CAPZB: variants seen among roughly 807,000 people sequenced by gnomAD.
CAPZB encodes the protein F-actin-capping protein subunit beta.
Under a neutral mutation model 38.1 loss-of-function variants are expected in CAPZB, and 2 were observed. That is an observed-to-expected ratio of 0.05 (90% CI 0.02 to 0.17). CAPZB has a LOEUF of 0.17. Ranked by LOEUF, CAPZB falls within the 10% of genes least tolerant of loss-of-function variation. The probability of loss-of-function intolerance (pLI) is 1.00; values close to 1 mark genes in which losing one functional copy is unlikely to be tolerated. For synonymous variants in CAPZB, 107 were observed against 127.4 expected (o/e 0.84, Z 1.08); for missense variants, 161 against 334.2 (o/e 0.48, Z 4.04).
At chr1:19,461,905 T>C (rs889648359) in intron 1 of CAPZB, among the ~76,000 whole-genome samples, 2 of 152,252 alleles carry the variant, frequency 1.3e-5, no homozygotes, top group African/African-American at 4.8e-5. Context: ...AGTGAGATGA[T>C]GCATTGACTT....
At chr1:19,436,199 G>A (rs144453137) in intron 1 of CAPZB, among the ~76,000 whole-genome samples, 2 of 152,116 alleles carry the variant, frequency 1.3e-5, no homozygotes, top group African/African-American at 4.8e-5. Context: ...TAAATTTCAC[G>A]CCGTTCTGCG....
intron 4 of CAPZB, among the ~76,000 whole-genome samples, chr1:19,358,630 C>T (rs898834192): frequency 1.3e-5 from 2 of 152,184 alleles, no homozygotes; most frequent in Admixed American, 6.5e-5. Flanking sequence ...TGATGGGAAC[C>T]GCAAATGCTG....
intron 1 of CAPZB, among the ~76,000 whole-genome samples, chr1:19,469,928 C>A (rs1004176870): frequency 1.3e-5 from 2 of 152,222 alleles, no homozygotes; most frequent in Non-Finnish European, 2.9e-5. Flanking sequence ...TCACTCAACA[C>A]TAGCACATCT....
chr1:19,386,443 T>C (rs909775531), intron 2 of CAPZB, among the ~76,000 whole-genome samples: 2 of 152,252 alleles, frequency 1.3e-5, no homozygotes, highest in African/African-American at 4.8e-5. Context: ...ATATTTTCAA[T>C]GTGCTGACTT....
At chr1:19,407,367 C>G (rs1301622163) in intron 2 of CAPZB, among the ~76,000 whole-genome samples, 1 of 152,124 alleles carries the variant, frequency 6.6e-6, no homozygotes, top group Non-Finnish European at 1.5e-5. Context: ...CCCAGAGATA[C>G]AGAACAGAGG....
intron 1 of CAPZB, among the ~76,000 whole-genome samples, chr1:19,440,794 C>T (rs2094473429): frequency 6.6e-6 from 1 of 152,216 alleles, no homozygotes; most frequent in East Asian, 1.9e-4. Context: ...GGCGCGGTGG[C>T]TCACGCCTGT....
Position 19,419,658 on chromosome 1 carries a change from T to A in CAPZB, c.93+3A>T. 6.4e-7 allele frequency: 1 copy of A among 1,570,526 alleles called. No individual in the cohort carries two copies. Among genetic ancestry groups the A allele is most frequent in the Non-Finnish European group, 8.7e-7 (1 of 1,149,678 alleles). On this transcript the variant is annotated splice_donor_region_variant and intron_variant, in intron 2 of 8. Transcript: ENST00000264202. Reference sequence around the variant, plus strand: ...AATGGAACCATATGAAGGAGGCACGTACCAGGTCGATCAGGTCGCTGAGGT... The same window carrying A: ...AATGGAACCATATGAAGGAGGCACGAACCAGGTCGATCAGGTCGCTGAGGT...
In CAPZB at chr1:19,445,982, C is replaced by A. The variant is rs527382624; in HGVS notation, c.4-26232G>T. 1.6e-3 allele frequency among the ~76,000 whole-genome samples: 251 copies of A among 152,332 alleles called. 1 individual carries two copies. Among genetic ancestry groups the A allele is most frequent in the Non-Finnish European group, 2.5e-3 (171 of 68,036 alleles). On this transcript the variant is annotated intron_variant, in intron 1 of 8. Transcript: ENST00000264202. ...GCCCTCAAGAGCACATGGTAAGACC[C>A]TGTAGCAGGAACAGAGGAAGCTGGA...
intron 3 of CAPZB, among the ~76,000 whole-genome samples, chr1:19,381,968 G>C (rs1458533830): frequency 6.6e-6 from 1 of 152,156 alleles, no homozygotes; most frequent in Admixed American, 6.5e-5. Context: ...ATAAGAATCT[G>C]AGGGTGTGGA....
At chr1:19,421,695 C>T (rs1435895076) in intron 1 of CAPZB, among the ~76,000 whole-genome samples, 3 of 152,220 alleles carry the variant, frequency 2.0e-5, no homozygotes, top group Non-Finnish European at 4.4e-5. Flanking sequence ...TCTAGAGAGA[C>T]ATATTCAATT....
chr1:19,455,777 C>T (rs924706586), intron 1 of CAPZB, among the ~76,000 whole-genome samples: 10 of 152,212 alleles, frequency 6.6e-5, no homozygotes, highest in Non-Finnish European at 8.8e-5. Flanking sequence ...ATGGACACTG[C>T]CACATCCAGT....
chr1:19,473,350 G>A (rs967762139), intron 1 of CAPZB, among the ~76,000 whole-genome samples: 2 of 152,128 alleles, frequency 1.3e-5, no homozygotes, highest in Non-Finnish European at 2.9e-5. Flanking sequence ...CCAAGGCTAT[G>A]GTAGTAATTG....
intron 1 of CAPZB, among the ~76,000 whole-genome samples, chr1:19,439,326 T>C (rs146573513): frequency 1.2e-3 from 177 of 152,368 alleles, no homozygotes; most frequent in African/African-American, 4.1e-3. Flanking sequence ...AACATACCCA[T>C]GTACATTTGT....
intron 4 of CAPZB, among the ~76,000 whole-genome samples, chr1:19,363,228 T>C (rs1186544302): frequency 6.7e-6 from 1 of 149,230 alleles, no homozygotes; most frequent in Non-Finnish European, 1.5e-5. Context: ...ACCACAGGCA[T>C]GCACCACCAT....
chr1:19,342,733 C>A (rs759266872), intron 8 of CAPZB: 1 of 1,510,848 alleles, frequency 6.6e-7, no homozygotes, highest in Non-Finnish European at 9.2e-7. Flanking sequence ...GAGGGTCTCG[C>A]GGCTCTCAGG....
intron 6 of CAPZB, among the ~76,000 whole-genome samples, chr1:19,345,678 G>GTGC (rs2093956771): frequency 6.6e-6 from 1 of 152,274 alleles, no homozygotes; most frequent in Non-Finnish European, 1.5e-5. Context: ...GGAAGCTTCT[G>GTGC]TGCTGCTGCT....
intron 4 of CAPZB, among the ~76,000 whole-genome samples, chr1:19,368,895 G>A (rs2100376771): frequency 6.6e-6 from 1 of 152,300 alleles, no homozygotes; most frequent in Non-Finnish European, 1.5e-5. Context: ...ACATCTCAGT[G>A]AGGGGAGTGC....
chr1:19,464,002 C>T (rs1243708045), intron 1 of CAPZB, among the ~76,000 whole-genome samples: 2 of 139,194 alleles, frequency 1.4e-5, no homozygotes, highest in African/African-American at 5.4e-5. Context: ...TGGTGAACCC[C>T]TATCTCTACT....
At chr1:19,404,463 G>C (rs12726614) in intron 2 of CAPZB, among the ~76,000 whole-genome samples, 33,648 of 149,292 alleles carry the variant, frequency 0.23, 4,155 homozygotes, top group East Asian at 0.45. Flanking sequence ...AGAATCACTT[G>C]AACTCGGGAG....
Sources: allele counts gnomAD v4.1 joint callset (sites outside exome capture counted in the v4.1 genomes callset), GRCh38; gene constraint gnomAD v4.1.1; transcripts MANE v1.5; gene names NCBI Gene and HGNC (gene_info 2026-07-23, HGNC 2026-07-21).